NAPB: variants seen among roughly 807,000 people sequenced by gnomAD.
NAPB encodes NSF attachment protein beta, also known as beta-soluble NSF attachment protein.
NAPB carries 26 observed loss-of-function variants against 44.7 expected under a neutral mutation model. That is an observed-to-expected ratio of 0.58 (90% confidence interval 0.43 to 0.81). NAPB has a LOEUF of 0.81. NAPB is among the 30% of genes least tolerant of loss of function. The probability of loss-of-function intolerance (pLI) is 0.00; values close to 1 mark genes in which losing one functional copy is unlikely to be tolerated. For synonymous variants in NAPB, 120 were observed against 116.8 expected, an observed-to-expected ratio of 1.03 and a Z score of -0.18; for missense variants, 315 against 356.4, an observed-to-expected ratio of 0.88 and a Z score of 0.94.
intron 5 of NAPB, among the ~76,000 whole-genome samples, chr20:23,394,436 T>C (rs1471544198): frequency 6.6e-6 from 1 of 152,006 alleles, no homozygotes. Context: ...CCCAGACATG[T>C]TGGGTTAGAG....
rs974185256 is a variant in NAPB, at chr20:23,376,271, A to G, written c.*1105T>C. ...TAGCATACATATATTATATAAACCA[A>G]TTAAACACGACAGAGTTCAAACACA... is the stretch of plus-strand genomic sequence containing the variant. On this transcript the variant is annotated 3_prime_UTR_variant, in exon 11 of 11. Coordinates refer to ENST00000377026, the MANE Select transcript of NAPB (RefSeq NM_022080.3). 6.6e-6 allele frequency: 1 copy of G among 152,236 alleles called. No individual in the cohort carries two copies. The highest frequency in any genetic ancestry group is 2.4e-5 in the African/African-American group (1 of 41,448). The allele number at this position is 152,236 out of a possible 1,614,324, so 9.4% of individuals were successfully genotyped here.
At chr20:23,408,167 A>T (rs899134829) in intron 1 of NAPB, among the ~76,000 whole-genome samples, 6 of 152,214 alleles carry the variant, frequency 3.9e-5, no homozygotes, top group Non-Finnish European at 7.4e-5. Flanking sequence ...TCAGGATGCC[A>T]TGAAGGGGTG....
intron 1 of NAPB, among the ~76,000 whole-genome samples, chr20:23,412,616 T>G (rs1461139460): frequency 6.6e-6 from 1 of 151,870 alleles, no homozygotes; most frequent in Non-Finnish European, 1.5e-5. Flanking sequence ...CCAAAACAGA[T>G]CAAGTGAACA....
At chr20:23,379,295 T>C (rs1199701925) in intron 10 of NAPB, 150 bp downstream of exon 10, 1 of 566,100 alleles carries the variant, frequency 1.8e-6, no homozygotes, top group Non-Finnish European at 3.0e-6. Flanking sequence ...ATTTGTGTGA[T>C]ATATAAAAGG....
At chr20:23,415,204 G>C (rs562056888) in intron 1 of NAPB, among the ~76,000 whole-genome samples, 1 of 152,204 alleles carries the variant, frequency 6.6e-6, no homozygotes, top group South Asian at 2.1e-4. Context: ...GAAATATGGT[G>C]GTAACCATCA....
chr20:23,384,842 G>A (rs138523100), intron 7 of NAPB, among the ~76,000 whole-genome samples: 6 of 152,276 alleles, frequency 3.9e-5, no homozygotes, highest in African/African-American at 1.4e-4. Context: ...GATCCAGGCT[G>A]GCTGTGGTGG....
chr20:23,397,813 A>T (rs1030442483), intron 2 of NAPB, among the ~76,000 whole-genome samples: 3 of 152,222 alleles, frequency 2.0e-5, no homozygotes, highest in African/African-American at 7.2e-5. Flanking sequence ...AGAATTTACA[A>T]ATTTCCCTGC....
At chr20:23,419,615 T>G (rs1484584609) in intron 1 of NAPB, among the ~76,000 whole-genome samples, 1 of 152,240 alleles carries the variant, frequency 6.6e-6, no homozygotes, top group Admixed American at 6.5e-5. Flanking sequence ...TTAAATTTTA[T>G]TAGAGTGAAT....
In NAPB at chr20:23,421,415, G is replaced by T; in HGVS notation, c.-13C>A. 6.5e-7 allele frequency: 1 copy of T among 1,541,274 alleles called. No individual in the cohort carries two copies. The highest frequency in any genetic ancestry group is 8.7e-7 in the Non-Finnish European group (1 of 1,143,324). The stretch of plus-strand genomic sequence containing the variant: ...CCGCGTTGTCCATGTCGCCCGCCGC[G>T]GCCGCCACAGCCCCCTCAGCCGGCT... On this transcript the variant is annotated 5_prime_UTR_variant, in exon 1 of 11. Transcript: ENST00000377026.
At chr20:23,409,278 T>C (rs75830494) in intron 1 of NAPB, among the ~76,000 whole-genome samples, 2,984 of 152,304 alleles carry the variant, frequency 0.02, 100 homozygotes, top group African/African-American at 0.067. Flanking sequence ...ACAAAAATCA[T>C]AGATTCTCAA....
intron 1 of NAPB, among the ~76,000 whole-genome samples, chr20:23,404,711 G>A (rs1404930747): frequency 6.6e-6 from 1 of 152,214 alleles, no homozygotes; most frequent in Non-Finnish European, 1.5e-5. Context: ...ATGTATGGAA[G>A]GCATAAAAAC....
intron 2 of NAPB, among the ~76,000 whole-genome samples, chr20:23,398,853 A>ATTTTTTT (rs1325138900): frequency 1.5e-5 from 2 of 135,030 alleles, no homozygotes; most frequent in African/African-American, 6.2e-5. Flanking sequence ...TCAAAAAAAA[A>ATTTTTTT]ATTTTTTTTT....
At chr20:23,414,411 G>A (rs1334537750) in intron 1 of NAPB, among the ~76,000 whole-genome samples, 2 of 152,088 alleles carry the variant, frequency 1.3e-5, no homozygotes, top group East Asian at 1.9e-4. Context: ...GGAGTGCGAG[G>A]ACAGTACAAT....
Position 23,397,109 on chromosome 20 carries a change from C to T in NAPB, c.258G>A (p.Val86=). 6.2e-7 allele frequency: 1 copy of T among 1,613,616 alleles called. No homozygotes were observed. The highest frequency in any genetic ancestry group is 8.5e-7 in the Non-Finnish European group (1 of 1,179,622). The change falls in exon 3 of 11, where the codon GTG becomes GTA. Residue 86 remains valine (V), a synonymous_variant. Coordinates refer to ENST00000377026, the MANE Select transcript of NAPB (RefSeq NM_022080.3). ...QSKHDSATSF[V]DAGNAYKKAD... ...CCTTTTTGTAAGCATTTCCAGCATC[C>T]ACAAAGCTGGTAGCAGAGTCATGTT...
rs199692694 is a variant in NAPB, at chr20:23,403,051, C to T, written c.120G>A (p.Glu40=). 4.9e-5 allele frequency: 79 copies of T among 1,613,296 alleles called. No individual in the cohort carries two copies. Among genetic ancestry groups the T allele is most frequent in the Non-Finnish European group, 6.5e-5 (77 of 1,179,716 alleles). ...CAGCTCTGGTATACATTTCACAAGCCTCTTCTATTCTTGTGTTTCCTCTGA... is the reference window on the plus strand; with the variant it reads ...CAGCTCTGGTATACATTTCACAAGCTTCTTCTATTCTTGTGTTTCCTCTGA... ...GLFGGNTRIE[E]ACEMYTRAAN... is the part of the protein sequence containing the mutation. Residue 40 remains glutamate, a synonymous_variant, in exon 2 of 11, where the codon GAG becomes GAA. Transcript: ENST00000377026.
rs1321794875 is a variant in NAPB, at chr20:23,397,150, T to C, written c.217A>G (p.Met73Val). 2.5e-6 allele frequency: 4 copies of C among 1,613,372 alleles called. No individual in the cohort carries two copies. Among genetic ancestry groups the C allele is most frequent in the Non-Finnish European group, 3.4e-6 (4 of 1,179,408 alleles). ...NAFCQAAKLH[M>V]QLQSKHDSAT... ...GAGTCATGTTTGCTCTGAAGCTGCA[T>C]GTGGAGCTTGGCTGCCTGACAAAAT... is the stretch of plus-strand genomic sequence containing the variant. Residue 73 changes from methionine (M) to valine (V), a missense_variant, in exon 3 of 11, where the codon ATG becomes GTG. This residue lies in a region of NAPB where 179 missense variants were observed against 182.5 expected (regional missense o/e 0.98). Transcript: ENST00000377026.
At chr20:23,407,610 G>A (rs1600593364) in intron 1 of NAPB, among the ~76,000 whole-genome samples, 3 of 152,030 alleles carry the variant, frequency 2.0e-5, no homozygotes, top group African/African-American at 7.2e-5. Context: ...CTTCTTGACC[G>A]TACTTATTCA....
At chr20:23,402,739 T>C (rs957036565) in intron 2 of NAPB, among the ~76,000 whole-genome samples, 3 of 152,238 alleles carry the variant, frequency 2.0e-5, no homozygotes, top group Non-Finnish European at 2.9e-5. Context: ...ACATGCCTAC[T>C]GTATTAAGAA....
intron 1 of NAPB, among the ~76,000 whole-genome samples, chr20:23,410,419 T>C (rs942171356): frequency 2.0e-5 from 3 of 152,164 alleles, no homozygotes; most frequent in African/African-American, 7.2e-5. Flanking sequence ...AGAAAGAAGA[T>C]CCTAAGTGAA....
Sources: allele counts gnomAD v4.1 joint callset (sites outside exome capture counted in the v4.1 genomes callset), GRCh38; gene constraint gnomAD v4.1.1; regional missense constraint gnomAD v4.1.1; transcripts MANE v1.5; gene names NCBI Gene and HGNC (gene_info 2026-07-23, HGNC 2026-07-21).